PELI2: variants seen among roughly 807,000 people sequenced by gnomAD.
PELI2 encodes pellino E3 ubiquitin protein ligase family member 2.
Under a neutral mutation model 42.3 loss-of-function variants are expected in PELI2, and 23 were observed. The observed-to-expected ratio is 0.54, with a 90% CI of 0.39 to 0.77. The LOEUF (loss-of-function observed/expected upper bound fraction) is 0.77, where lower values mean the gene tolerates loss of function less well. Ranked by LOEUF, PELI2 falls within the 30% of genes least tolerant of loss-of-function variation. The pLI, the probability that PELI2 is intolerant of heterozygous loss-of-function variation, is 0.00. For missense variants in PELI2, 463 were observed against 553.2 expected (o/e 0.84, Z 1.64); for synonymous variants, 245 against 212.2 (o/e 1.15, Z -1.34).
At chr14:56,124,882 A>G (rs1014375864) in intron 1 of PELI2, among the ~76,000 whole-genome samples, 2 of 152,222 alleles carry the variant, frequency 1.3e-5, no homozygotes, top group African/African-American at 2.4e-5. Flanking sequence ...CTAGGAAAGA[A>G]TGATTGAATG....
chr14:56,206,427 G>A (rs1594638590), intron 2 of PELI2, among the ~76,000 whole-genome samples: 1 of 152,092 alleles, frequency 6.6e-6, no homozygotes, highest in African/African-American at 2.4e-5. Flanking sequence ...CTTTGTAAAC[G>A]TTTTAAGAGG....
chr14:56,120,752 C>T (rs1883031479), intron 1 of PELI2, among the ~76,000 whole-genome samples: 1 of 152,092 alleles, frequency 6.6e-6, no homozygotes, highest in South Asian at 2.1e-4. Flanking sequence ...TCAGGTGCAG[C>T]CAAGTTCTGA....
Position 56,219,532 on chromosome 14 carries a change from A to G in PELI2, c.207+41068A>G, listed in dbSNP as rs377301638. ...CTCTCATCTGAGCAGCCTCTCCCTC[A>G]ATCTTACAAACAGTAGGCATCCACA... On this transcript the variant is annotated intron_variant, in intron 2 of 5. Coordinates refer to ENST00000267460, the MANE Select transcript of PELI2 (RefSeq NM_021255.3). The surrounding 1 kb of genome is among the most constrained non-coding windows in gnomAD (Gnocchi z 4.1). Among the ~76,000 whole-genome samples, 5 of 152,136 alleles carry G rather than the reference A, an allele frequency of 3.3e-5. No homozygotes were observed. Among genetic ancestry groups the G allele is most frequent in the Admixed American group, 6.5e-5 (1 of 15,276 alleles).
At position 56,300,807 on chromosome 14, in the gene PELI2, T is replaced by G. The variant is rs187823192; in HGVS notation, c.*3641T>G. The G allele has an allele frequency of 2.0e-5, 3 of 152,204 alleles. No homozygotes were observed. The highest frequency in any genetic ancestry group is 2.9e-5 in the Non-Finnish European group (2 of 68,030). The allele number at this position is 152,204 out of a possible 1,614,324, so 9.4% of individuals were successfully genotyped here. On this transcript the variant is annotated 3_prime_UTR_variant, in exon 6 of 6. Coordinates refer to ENST00000267460, the MANE Select transcript of PELI2 (RefSeq NM_021255.3). The stretch of plus-strand genomic sequence containing the variant: ...GTCCCAGTAGTTTAGCCTTTGTGGC[T>G]TAGGTTATGATGCGCCTCCTTCTGT...
intron 2 of PELI2, among the ~76,000 whole-genome samples, chr14:56,214,676 G>T (rs1886834101): frequency 6.6e-6 from 1 of 152,152 alleles, no homozygotes; most frequent in Non-Finnish European, 1.5e-5. Context: ...TCTAGAGTTT[G>T]GAAGCTGGAT....
Position 56,297,448 on chromosome 14 carries a change from G to T in PELI2, c.*282G>T. On this transcript the variant is annotated 3_prime_UTR_variant, in exon 6 of 6. Transcript: ENST00000267460. ...ATGCTATGCTTCTATTTTTAACCTT[G>T]GGTTTTTAACCAAGTTTTTTTTTTT... The T allele has an allele frequency of 2.6e-5, 8 of 303,280 alleles. No individual in the cohort carries two copies. Among genetic ancestry groups the T allele is most frequent in the East Asian group, 1.7e-4 (3 of 17,796 alleles). 18.8% of individuals were successfully genotyped at this position (303,280 alleles called of 1,614,324 possible). A position where few individuals can be genotyped will look rare whatever the true frequency, so the allele number is the denominator to read the frequency against.
chr14:56,157,578 G>A (rs551065141), intron 1 of PELI2, among the ~76,000 whole-genome samples: 17 of 152,258 alleles, frequency 1.1e-4, no homozygotes, highest in Non-Finnish European at 1.3e-4. Context: ...AAGCCAAAAT[G>A]ATTTGTAAAA....
At position 56,291,717 on chromosome 14, in the gene PELI2, G is replaced by A. The variant is rs566809106; in HGVS notation, c.696+1261G>A. Among the ~76,000 whole-genome samples the A allele has an allele frequency of 2.6e-5, 4 of 152,296 alleles. No individual in the cohort carries two copies. In the South Asian group the frequency reaches 8.3e-4, roughly 32 times the overall value. On this transcript the variant is annotated intron_variant, in intron 5 of 5. Coordinates refer to ENST00000267460, the MANE Select transcript of PELI2 (RefSeq NM_021255.3). ...TAAGAAGTCAGTAAATGGTTGCTGG[G>A]TGCAGACTCTGCGTTAACATTTCCG...
chr14:56,278,831 T>C (rs1889384484), intron 2 of PELI2, among the ~76,000 whole-genome samples: 1 of 152,284 alleles, frequency 6.6e-6, no homozygotes, highest in East Asian at 1.9e-4. Context: ...TTATACTTAA[T>C]GTAAAAGATT....
chr14:56,237,438 TC>T (rs1887838112), intron 2 of PELI2, among the ~76,000 whole-genome samples: 2 of 152,098 alleles, frequency 1.3e-5, no homozygotes, highest in African/African-American at 4.8e-5. Flanking sequence ...AATTTTTAGA[TC>T]TTTCTTTCTT....
At chr14:56,285,679 C>G (rs184631062) in intron 3 of PELI2, among the ~76,000 whole-genome samples, 1 of 151,956 alleles carries the variant, frequency 6.6e-6, no homozygotes, top group Non-Finnish European at 1.5e-5. Context: ...TCTTAGCATG[C>G]GTGGTTTCAG....
Position 56,168,568 on chromosome 14 carries a change from A to G in PELI2, c.78-9767A>G, listed in dbSNP as rs530294966. On this transcript the variant is annotated intron_variant, in intron 1 of 5. Coordinates refer to ENST00000267460, the MANE Select transcript of PELI2 (RefSeq NM_021255.3). ...CTGGCCTGGGACTCACCCTCAGGGC[A>G]GTGGGGTCCCCTTTGGTCCAGGGAA... Among the ~76,000 whole-genome samples, 6 of 152,192 alleles carry G rather than the reference A, an allele frequency of 3.9e-5. No individual in the cohort carries two copies. In the South Asian group the frequency reaches 1.2e-3, roughly 32 times the overall value.
intron 1 of PELI2, among the ~76,000 whole-genome samples, chr14:56,127,827 T>G (rs1040366721): frequency 4.6e-5 from 7 of 152,186 alleles, no homozygotes; most frequent in Admixed American, 1.3e-4. Flanking sequence ...CTAAAAGATG[T>G]GAAATCAAAA....
chr14:56,212,516 C>G (rs1045627523), intron 2 of PELI2, among the ~76,000 whole-genome samples: 1 of 152,174 alleles, frequency 6.6e-6, no homozygotes, highest in Non-Finnish European at 1.5e-5. Context: ...ATGGCCTGAC[C>G]TGGCCCAGCT....
At chr14:56,150,515 T>A (rs1472951638) in intron 1 of PELI2, among the ~76,000 whole-genome samples, 1 of 152,114 alleles carries the variant, frequency 6.6e-6, no homozygotes, top group African/African-American at 2.4e-5. Context: ...TGCTGAGTAG[T>A]AGAGTATTTA....
chr14:56,138,198 G>A (rs183760053), intron 1 of PELI2, among the ~76,000 whole-genome samples: 2 of 152,308 alleles, frequency 1.3e-5, no homozygotes, highest in Admixed American at 1.3e-4. Context: ...AGAAATGGCT[G>A]TTTTTGTTTA....
intron 3 of PELI2, among the ~76,000 whole-genome samples, chr14:56,280,157 C>T (rs1309246857): frequency 6.6e-6 from 1 of 152,036 alleles, no homozygotes; most frequent in Non-Finnish European, 1.5e-5. Context: ...TATCATGTAG[C>T]ACAACTGACA....
chr14:56,144,089 G>T (rs942985754), intron 1 of PELI2, among the ~76,000 whole-genome samples: 2 of 151,964 alleles, frequency 1.3e-5, no homozygotes, highest in African/African-American at 4.8e-5. Context: ...CTGTACTACC[G>T]CTGATTCCAG....
intron 1 of PELI2, among the ~76,000 whole-genome samples, chr14:56,134,797 G>GA (rs1390462034): frequency 1.3e-5 from 2 of 149,514 alleles, no homozygotes; most frequent in Non-Finnish European, 3.0e-5. Flanking sequence ...TTTTTTGCTG[G>GA]AGAGAGTTGA....
Sources: gnomAD v4.1 joint callset for allele counts (sites outside exome capture counted in the v4.1 genomes callset) on GRCh38, gnomAD v4.1.1 for gene constraint, Gnocchi (gnomAD v3.1) non-coding constraint, MANE v1.5 for transcripts, NCBI Gene and HGNC (gene_info 2026-07-23, HGNC 2026-07-21) for gene names.